The following ABCB1 variants were observed in gnomAD, a reference collection of about 807,000 sequenced individuals.
ABCB1 encodes the protein ATP binding cassette subfamily B member 1.
In ABCB1, 69 loss-of-function variants were observed where a neutral mutation model predicts 142.0. The observed-to-expected ratio is 0.49, with a 90% CI of 0.40 to 0.59. The LOEUF (loss-of-function observed/expected upper bound fraction) is 0.59. ABCB1 is among the 20% of genes least tolerant of loss of function. The pLI, the probability that ABCB1 is intolerant of heterozygous loss-of-function variation, is 0.00. For synonymous variants in ABCB1, 532 were observed against 539.2 expected (o/e 0.99, Z 0.18); for missense variants, 1,326 against 1,554.7 (o/e 0.85, Z 2.47).
intron 20 of ABCB1, among the ~76,000 whole-genome samples, chr7:87,533,787 T>C (rs1816164207): frequency 1.3e-5 from 2 of 152,188 alleles, no homozygotes; most frequent in Non-Finnish European, 2.9e-5. Flanking sequence ...CAGTCCTCTC[T>C]CAGTCAATCT....
chr7:87,546,679 C>G (rs1292457890), intron 14 of ABCB1, among the ~76,000 whole-genome samples: 2 of 152,156 alleles, frequency 1.3e-5, no homozygotes, highest in Non-Finnish European at 2.9e-5. Context: ...TACTGATACA[C>G]ACCGGCTAGT....
In ABCB1 at chr7:87,549,922, C is replaced by T. The variant is rs762825426; in HGVS notation, c.1483G>A (p.Val495Ile). The T allele has an allele frequency of 8.1e-6, 13 of 1,614,080 alleles. No individual in the cohort carries two copies. The highest frequency in any genetic ancestry group is 1.7e-6 in the Non-Finnish European group (2 of 1,180,040). ...GCTTTCTCAATCTCATCCATGGTGA[C>T]ATTTTCACGGCCATAGCGAATGTTT... is the stretch of plus-strand genomic sequence containing the variant. Reference protein sequence around the residue: ...AENIRYGRENVTMDEIEKAVK... With the variant: ...AENIRYGRENITMDEIEKAVK... The change falls in exon 13 of 28, where the codon GTC (valine) becomes ATC (isoleucine). Residue 495 changes from valine to isoleucine, a missense_variant. By Grantham distance (29) the Val-to-Ile change is conservative. Coordinates refer to ENST00000622132, the MANE Select transcript of ABCB1 (RefSeq NM_001348946.2).
At chr7:87,615,019 G>A (rs1430539250) in intron 1 of ABCB1, among the ~76,000 whole-genome samples, 3 of 152,032 alleles carry the variant, frequency 2.0e-5, no homozygotes, top group Non-Finnish European at 4.4e-5. Flanking sequence ...TAAATTTTTT[G>A]TATTTTTAGT....
upstream of ABCB1, among the ~76,000 whole-genome samples, chr7:87,604,139 A>G (rs1370266362): frequency 6.6e-6 from 1 of 151,898 alleles, no homozygotes; most frequent in Admixed American, 6.6e-5. Context: ...CTGTTCACCT[A>G]TTTTTCCTTC....
intron 20 of ABCB1, among the ~76,000 whole-genome samples, chr7:87,533,226 T>C (rs1816139466): frequency 6.6e-6 from 1 of 152,096 alleles, no homozygotes; most frequent in African/African-American, 2.4e-5. Context: ...ACAGGGATGA[T>C]ATAAGTTGCT....
At chr7:87,547,979 C>A (rs1563046158) in intron 14 of ABCB1, among the ~76,000 whole-genome samples, 1 of 150,178 alleles carries the variant, frequency 6.7e-6, no homozygotes, top group East Asian at 1.9e-4. Flanking sequence ...GATGGCACAA[C>A]TGCACTTCAG....
rs1334923831 is a variant in ABCB1 at position 87,626,337 on chromosome 7, T to C, written c.-330-25259A>G. Reference sequence around the variant, plus strand: ...GTATATGTGTCATATATATGTGTCGTATATGTGTCATATATATGTGTCATA... The same window carrying C: ...GTATATGTGTCATATATATGTGTCGCATATGTGTCATATATATGTGTCATA... On this transcript the variant is annotated intron_variant, in intron 1 of 28. Coordinates refer to the ABCB1 transcript ENST00000265724. Among the ~76,000 whole-genome samples, 4 of 33,134 alleles carry C rather than the reference T, an allele frequency of 1.2e-4. 1 individual carries two copies. The highest frequency in any genetic ancestry group is 1.9e-4 in the Non-Finnish European group (4 of 21,374). 21.7% of individuals were successfully genotyped at this position (33,134 alleles called of 152,430 possible).
At chr7:87,645,081 C>CT (rs551936794) in intron 1 of ABCB1, among the ~76,000 whole-genome samples, 5,158 of 128,066 alleles carry the variant, frequency 0.04, 101 homozygotes, top group Middle Eastern at 0.05. Context: ...TGCTTTCTTT[C>CT]TTTTTTTTTT....
At chr7:87,648,184 CAA>C (rs138383809) in intron 1 of ABCB1, among the ~76,000 whole-genome samples, 20 of 65,420 alleles carry the variant, frequency 3.1e-4, no homozygotes, top group Non-Finnish European at 3.7e-4. Context: ...GACTCTGTCT[CAA>C]AAAAAAAAAA....
intron 17 of ABCB1, among the ~76,000 whole-genome samples, chr7:87,542,161 A>C (rs1203951347): frequency 6.6e-6 from 1 of 152,230 alleles, no homozygotes; most frequent in Non-Finnish European, 1.5e-5. Flanking sequence ...CCCAGGACAG[A>C]CAACTTTATC....
At chr7:87,617,827 T>C (rs546675798) in intron 1 of ABCB1, among the ~76,000 whole-genome samples, 2 of 152,268 alleles carry the variant, frequency 1.3e-5, no homozygotes, top group South Asian at 4.1e-4. Context: ...AGGATAAAGA[T>C]GAAAATGTTT....
At chr7:87,527,019 C>A (rs532307885) in intron 21 of ABCB1, among the ~76,000 whole-genome samples, 3 of 151,946 alleles carry the variant, frequency 2.0e-5, no homozygotes, top group Non-Finnish European at 4.4e-5. Context: ...GCACTTTCGA[C>A]TGCATTAAAA....
chr7:87,536,244 C>A (rs1031424958), intron 20 of ABCB1, among the ~76,000 whole-genome samples: 1 of 152,218 alleles, frequency 6.6e-6, no homozygotes, highest in Admixed American at 6.5e-5. Context: ...ACAGCAATAG[C>A]AAATGGTTTA....
At chr7:87,505,282 A>G (rs1280240543) in intron 27 of ABCB1, among the ~76,000 whole-genome samples, 1 of 152,022 alleles carries the variant, frequency 6.6e-6, no homozygotes, top group Non-Finnish European at 1.5e-5. Context: ...GCAGTCATCT[A>G]CTCTTAAAGT....
chr7:87,673,860 T>C (rs1826064061), intron 1 of ABCB1, among the ~76,000 whole-genome samples: 1 of 152,220 alleles, frequency 6.6e-6, no homozygotes, highest in Non-Finnish European at 1.5e-5. Flanking sequence ...ACCTTTGATG[T>C]TGCTGTCCTT....
rs34455904 is a variant in ABCB1, at chr7:87,585,688, G to C, written c.118-8C>G. ...CCAATTTGAATAGCGAAACTAAAAAGAGAGAAAAAAGAATAGCAGAGGAAA... is the reference window on the plus strand; with the variant it reads ...CCAATTTGAATAGCGAAACTAAAAACAGAGAAAAAAGAATAGCAGAGGAAA... On this transcript the variant is annotated splice_region_variant and splice_polypyrimidine_tract_variant and intron_variant, in intron 3 of 27. Coordinates refer to ENST00000622132, the MANE Select transcript of ABCB1 (RefSeq NM_001348946.2). 1.1e-5 allele frequency: 17 copies of C among 1,612,780 alleles called. No individual in the cohort carries two copies. Among genetic ancestry groups the C allele is most frequent in the Non-Finnish European group, 1.4e-5 (17 of 1,179,714 alleles).
chr7:87,595,753 A>G lies in ABCB1; in HGVS notation c.117+13T>C. ...CCGAAGTATTTTGAATAGTTAATAA[A>G]TTCAAAACTCACCATTGAAAATACA... On this transcript the variant is annotated intron_variant, in intron 3 of 27. Coordinates refer to ENST00000622132, the MANE Select transcript of ABCB1 (RefSeq NM_001348946.2). 6.3e-7 allele frequency: 1 copy of G among 1,595,998 alleles called. No individual in the cohort carries two copies. The highest frequency in any genetic ancestry group is 2.2e-5 in the East Asian group (1 of 44,608).
chr7:87,704,740 A>G (rs1829436438), intron 1 of ABCB1, among the ~76,000 whole-genome samples: 1 of 152,234 alleles, frequency 6.6e-6, no homozygotes, highest in Non-Finnish European at 1.5e-5. Context: ...GTGGGGAAAG[A>G]GAATTATTTG....
At chr7:87,504,533 G>A in intron 27 of ABCB1, 84 bp from the exon 28 acceptor site, 6 of 1,552,654 alleles carry the variant, frequency 3.9e-6, no homozygotes, top group South Asian at 3.5e-5. Flanking sequence ...AGTAGGACGG[G>A]CATGGTGGCT....
Sources: gnomAD v4.1 joint callset for allele counts (sites outside exome capture counted in the v4.1 genomes callset) on GRCh38, gnomAD v4.1.1 for gene constraint, MANE v1.5 for transcripts, NCBI Gene and HGNC (gene_info 2026-07-23, HGNC 2026-07-21) for gene names.